Variants in ATF6 observed in about 807,000 individuals in gnomAD.
ATF6 encodes the protein activating transcription factor 6, also known as cyclic AMP-dependent transcription factor ATF-6 alpha.
ATF6 carries 53 observed loss-of-function variants against 83.6 expected under a neutral mutation model. The observed-to-expected ratio is 0.63, with a 90% CI of 0.51 to 0.80. The LOEUF (loss-of-function observed/expected upper bound fraction) is 0.80, where lower values mean the gene tolerates loss of function less well. ATF6 is among the 30% of genes least tolerant of loss of function. The pLI is 0.00. For synonymous variants in ATF6, 288 were observed against 285.8 expected (o/e 1.01, Z -0.08); for missense variants, 744 against 797.9 (o/e 0.93, Z 0.81).
At chr1:161,825,303 A>T (rs1056769261) in intron 9 of ATF6, among the ~76,000 whole-genome samples, 7 of 152,170 alleles carry the variant, frequency 4.6e-5, no homozygotes, top group African/African-American at 1.7e-4. Context: ...TGGCCTTCCG[A>T]AGTGCTGGGA....
chr1:161,956,664 G>A (rs879564394), intron 15 of ATF6, among the ~76,000 whole-genome samples: 10 of 152,320 alleles, frequency 6.6e-5, no homozygotes, highest in Non-Finnish European at 1.2e-4. Context: ...CTGAGACTGG[G>A]AAAGAAGGAA....
chr1:161,892,127 G>T (rs553449702), intron 14 of ATF6: 1 of 152,276 alleles, frequency 6.6e-6, no homozygotes, highest in Non-Finnish European at 1.5e-5. Context: ...AGTTTAAAGG[G>T]ATATGTTTAG....
chr1:161,858,622 A>G (rs746006467), intron 12 of ATF6, among the ~76,000 whole-genome samples: 2 of 152,214 alleles, frequency 1.3e-5, no homozygotes, highest in Non-Finnish European at 2.9e-5. Context: ...CAACGTACAC[A>G]AAGCAAAAAG....
intron 15 of ATF6, among the ~76,000 whole-genome samples, chr1:161,942,804 C>T (rs1688673662): frequency 6.6e-6 from 1 of 152,172 alleles, no homozygotes; most frequent in African/African-American, 2.4e-5. Context: ...ATCTGTGTGA[C>T]CTGTGATATG....
At chr1:161,778,167 C>A in intron 1 of ATF6, 77 bp from the exon 2 acceptor site, 1 of 1,163,906 alleles carries the variant, frequency 8.6e-7, no homozygotes, top group Non-Finnish European at 1.3e-6. Flanking sequence ...ATAGAGGTGA[C>A]ATAGGGACAC....
intron 15 of ATF6, among the ~76,000 whole-genome samples, chr1:161,924,688 T>C (rs1006913499): frequency 8.5e-5 from 13 of 152,348 alleles, no homozygotes; most frequent in African/African-American, 1.2e-4. Flanking sequence ...AGGAAGGCCA[T>C]ATAAGCAGTT....
intron 2 of ATF6, among the ~76,000 whole-genome samples, chr1:161,778,558 T>A (rs1684572152): frequency 6.6e-6 from 1 of 152,186 alleles, no homozygotes; most frequent in Non-Finnish European, 1.5e-5. Flanking sequence ...TGGGTGACTT[T>A]GGAAAAGTCA....
chr1:161,826,931 ATT>A (rs11376981), intron 9 of ATF6, among the ~76,000 whole-genome samples: 2 of 129,602 alleles, frequency 1.5e-5, no homozygotes, highest in East Asian at 2.2e-4. Context: ...GATTGGCCCC[ATT>A]TTTTTTTTTT....
intron 15 of ATF6, among the ~76,000 whole-genome samples, chr1:161,921,387 A>G (rs1485068426): frequency 1.3e-5 from 2 of 152,228 alleles, no homozygotes; most frequent in African/African-American, 2.4e-5. Context: ...AGAATTGTAT[A>G]TAGAAAAAAA....
intron 14 of ATF6, among the ~76,000 whole-genome samples, chr1:161,895,723 T>C (rs1558014922): frequency 6.6e-6 from 1 of 152,226 alleles, no homozygotes; most frequent in Non-Finnish European, 1.5e-5. Flanking sequence ...TTTAGCAACA[T>C]ATCTGATCAT....
Position 161,963,005 on chromosome 1 carries a change from C to T in ATF6, c.*4351C>T, listed in dbSNP as rs924072190. On this transcript the variant is annotated 3_prime_UTR_variant, in exon 16 of 16. Coordinates refer to ENST00000367942, the MANE Select transcript of ATF6 (RefSeq NM_007348.4). ...GAATGAAATATAAGAAATGTTCGTT[C>T]CCACCCCTAATAACATTTGGAAGTG... is the stretch of plus-strand genomic sequence containing the variant. 4 of 152,162 alleles carry T rather than the reference C, an allele frequency of 2.6e-5. No homozygotes were observed. Among genetic ancestry groups the T allele is most frequent in the Non-Finnish European group, 4.4e-5 (3 of 68,028 alleles). 9.4% of individuals were successfully genotyped at this position (152,162 alleles called of 1,614,324 possible). A position where few individuals can be genotyped will look rare whatever the true frequency, so the allele number is the denominator to read the frequency against.
intron 15 of ATF6, among the ~76,000 whole-genome samples, chr1:161,955,620 C>G (rs900882743): frequency 6.6e-6 from 1 of 152,190 alleles, no homozygotes; most frequent in African/African-American, 2.4e-5. Context: ...CTAAGCCACC[C>G]AAAGAACCTT....
At chr1:161,882,517 A>G (rs1558009134) in intron 14 of ATF6, among the ~76,000 whole-genome samples, 1 of 152,084 alleles carries the variant, frequency 6.6e-6, no homozygotes, top group Non-Finnish European at 1.5e-5. Context: ...AAAACTATAT[A>G]TATTATGCAT....
chr1:161,914,479 A>G (rs1410753568), intron 15 of ATF6, among the ~76,000 whole-genome samples: 1 of 152,184 alleles, frequency 6.6e-6, no homozygotes, highest in Non-Finnish European at 1.5e-5. Context: ...CAGCATCCGC[A>G]TAGAGGAGTC....
chr1:161,859,916 C>T (rs1026847433), intron 12 of ATF6, among the ~76,000 whole-genome samples: 17 of 152,120 alleles, frequency 1.1e-4, no homozygotes, highest in Non-Finnish European at 1.5e-5. Flanking sequence ...TTCAGTAACA[C>T]TTATATAGCT....
chr1:161,802,022 C>T (rs41271949), intron 6 of ATF6, 30 bp from the exon 7 acceptor site: 25,066 of 1,609,948 alleles, frequency 0.016, 247 homozygotes, highest in Middle Eastern at 0.022. Flanking sequence ...GTTGTGTACC[C>T]TTTGATTCCT....
chr1:161,855,403 C>T (rs917771417), intron 12 of ATF6, among the ~76,000 whole-genome samples: 3 of 152,090 alleles, frequency 2.0e-5, no homozygotes, highest in African/African-American at 7.2e-5. Context: ...GAGACCAGTA[C>T]TGGGGAAGGA....
At chr1:161,789,515 T>G (rs545996253) in intron 4 of ATF6, among the ~76,000 whole-genome samples, 1 of 152,242 alleles carries the variant, frequency 6.6e-6, no homozygotes, top group Admixed American at 6.5e-5. Context: ...TTCAGTGGAT[T>G]GTTACATGTG....
intron 4 of ATF6, among the ~76,000 whole-genome samples, chr1:161,786,228 A>G (rs964253401): frequency 6.6e-6 from 1 of 152,066 alleles, no homozygotes; most frequent in African/African-American, 2.4e-5. Context: ...CAGGTTATCC[A>G]CCTGCCTCGG....
Sources: allele counts gnomAD v4.1 joint callset (sites outside exome capture counted in the v4.1 genomes callset), GRCh38; gene constraint gnomAD v4.1.1; transcripts MANE v1.5; gene names NCBI Gene and HGNC (gene_info 2026-07-23, HGNC 2026-07-21).